The following ADCY8 variants were observed in gnomAD, a reference collection of about 807,000 sequenced individuals.
ADCY8 encodes adenylate cyclase type 8.
In ADCY8, 51 loss-of-function variants were observed where a neutral mutation model predicts 119.7. The observed-to-expected ratio is 0.43, with a 90% confidence interval of 0.34 to 0.54. The LOEUF (loss-of-function observed/expected upper bound fraction) is 0.54. ADCY8 is among the 20% of genes least tolerant of loss of function. The pLI, the probability that ADCY8 is intolerant of heterozygous loss-of-function variation, is 0.03. For synonymous variants in ADCY8, 665 were observed against 651.0 expected, an observed-to-expected ratio of 1.02 and a Z score of -0.33; for missense variants, 1,383 against 1,598.8, an observed-to-expected ratio of 0.87 and a Z score of 2.30.
At chr8:130,989,240 T>C (rs540085584) in intron 2 of ADCY8, among the ~76,000 whole-genome samples, 122 of 152,316 alleles carry the variant, frequency 8.0e-4, no homozygotes, top group African/African-American at 2.8e-3. Flanking sequence ...TAGTTTCCTC[T>C]GCCCTGGGAG....
At chr8:130,784,243 C>T (rs1353288036) in intron 16 of ADCY8, among the ~76,000 whole-genome samples, 1 of 46,298 alleles carries the variant, frequency 2.2e-5, no homozygotes, top group African/African-American at 9.7e-5. Flanking sequence ...TATATGTGCT[C>T]TTATGTATGT....
Position 131,039,454 on chromosome 8 carries a change from G to C in ADCY8, c.880C>G (p.Leu294Val). Residue 294 changes from leucine to valine, a missense_variant, in exon 1 of 18, where the codon CTG becomes GTG. Coordinates refer to ENST00000286355, the MANE Select transcript of ADCY8 (RefSeq NM_001115.3). ...AGCAGCGAGGTGCCCAGGCCGGCCA[G>C]GATGGCCCAGGTGAGCGGCAGCGGC... ...MLPLPLTWAI[L>V]AGLGTSLLQV... 6.2e-7 allele frequency: 1 copy of C among 1,614,212 alleles called. No homozygotes were observed. Among genetic ancestry groups the C allele is most frequent in the Non-Finnish European group, 8.5e-7 (1 of 1,180,048 alleles).
intron 5 of ADCY8, among the ~76,000 whole-genome samples, chr8:130,932,525 G>A (rs1820662105): frequency 6.6e-6 from 1 of 152,122 alleles, no homozygotes; most frequent in African/African-American, 2.4e-5. Flanking sequence ...TCTGCACTGT[G>A]CTGCTTGGGA....
intron 9 of ADCY8, among the ~76,000 whole-genome samples, chr8:130,866,481 A>G (rs904054156): frequency 2.0e-5 from 3 of 152,162 alleles, no homozygotes; most frequent in African/African-American, 7.2e-5. Flanking sequence ...AGTGTCTACT[A>G]TATTCTTGCA....
intron 2 of ADCY8, among the ~76,000 whole-genome samples, chr8:130,955,336 G>A (rs1389686086): frequency 6.6e-6 from 1 of 152,166 alleles, no homozygotes; most frequent in Non-Finnish European, 1.5e-5. Flanking sequence ...CGGAGAAGTA[G>A]TTTCTCAAGG....
intron 3 of ADCY8, among the ~76,000 whole-genome samples, chr8:130,947,703 A>G (rs781330197): frequency 6.6e-6 from 1 of 152,246 alleles, no homozygotes; most frequent in Non-Finnish European, 1.5e-5. Context: ...TCACTAAAAT[A>G]TCTACCATGG....
intron 7 of ADCY8, among the ~76,000 whole-genome samples, chr8:130,896,075 G>C (rs1210299880): frequency 1.1e-4 from 16 of 152,006 alleles, no homozygotes; most frequent in Admixed American, 1.0e-3. Context: ...CTCATTCTTG[G>C]CTTAATTCCT....
chr8:130,802,071 T>C (rs73716259), intron 14 of ADCY8, among the ~76,000 whole-genome samples: 1,731 of 152,228 alleles, frequency 0.011, 42 homozygotes, highest in African/African-American at 0.04. Context: ...GTTATCCTTC[T>C]TGGGCTTCAA....
intron 1 of ADCY8, among the ~76,000 whole-genome samples, chr8:130,999,697 G>A (rs140067118): frequency 1.2e-4 from 19 of 152,256 alleles, no homozygotes; most frequent in Middle Eastern, 3.4e-3. Context: ...TATTCAGAGC[G>A]GAAAGAAGAT....
intron 7 of ADCY8, among the ~76,000 whole-genome samples, chr8:130,900,352 C>T (rs914086146): frequency 2.3e-4 from 35 of 152,160 alleles, no homozygotes; most frequent in Non-Finnish European, 1.5e-5. Flanking sequence ...CATTGCTCCT[C>T]CAAGCCATTT....
At chr8:131,026,945 G>A (rs111829988) in intron 1 of ADCY8, among the ~76,000 whole-genome samples, 2,103 of 152,254 alleles carry the variant, frequency 0.014, 33 homozygotes, top group African/African-American at 0.029. Flanking sequence ...GAAAGATTGA[G>A]GCTCTTGTCA....
chr8:130,991,591 G>A lies in ADCY8; in HGVS notation c.961-1049C>T, dbSNP rs145167500. The stretch of plus-strand genomic sequence containing the variant: ...GTTAATTACCTGCTAAAGTGAAACG[G>A]AACAAAACAAAAATCACTATTTCCA... On this transcript the variant is annotated intron_variant, in intron 1 of 17. Transcript: ENST00000286355. Among the ~76,000 whole-genome samples the A allele has an allele frequency of 3.4e-3, 514 of 152,282 alleles. 5 individuals are homozygous for A. Among genetic ancestry groups the A allele is most frequent in the African/African-American group, 0.011 (472 of 41,568 alleles).
intron 1 of ADCY8, among the ~76,000 whole-genome samples, chr8:131,020,740 G>T (rs1043351508): frequency 3.3e-5 from 5 of 152,082 alleles, no homozygotes; most frequent in Admixed American, 1.3e-4. Context: ...CTGATGATGG[G>T]CATCTGGCTT....
intron 11 of ADCY8, among the ~76,000 whole-genome samples, chr8:130,843,302 C>T (rs1480308379): frequency 6.6e-6 from 1 of 152,172 alleles, no homozygotes; most frequent in Non-Finnish European, 1.5e-5. Flanking sequence ...AGGTACTGAT[C>T]CTTCCAGATG....
Position 130,890,764 on chromosome 8 carries a change from C to G in ADCY8, c.1912-6003G>C, listed in dbSNP as rs1023678596. On this transcript the variant is annotated intron_variant, in intron 7 of 17. Transcript: ENST00000286355. ...GGTAACCTTGAGCCTTTTCTGGGAC[C>G]AGCACCTGGGCTAACTTCAGTTTGT... Among the ~76,000 whole-genome samples, 3 of 152,138 alleles carry G rather than the reference C, an allele frequency of 2.0e-5. No homozygotes were observed. In the East Asian group the frequency reaches 5.8e-4, roughly 29 times the overall value.
intron 14 of ADCY8, among the ~76,000 whole-genome samples, chr8:130,807,673 C>T (rs896209817): frequency 2.0e-5 from 3 of 152,158 alleles, no homozygotes; most frequent in African/African-American, 4.8e-5. Flanking sequence ...GGAGGAAAGA[C>T]ATTTCTGTTC....
chr8:130,813,075 G>A (rs999195420), intron 14 of ADCY8, among the ~76,000 whole-genome samples: 1 of 151,686 alleles, frequency 6.6e-6, no homozygotes, highest in Non-Finnish European at 1.5e-5. Flanking sequence ...AGCCTCCCAA[G>A]TAGCTGGGAT....
intron 1 of ADCY8, among the ~76,000 whole-genome samples, chr8:131,037,168 T>C (rs1022497980): frequency 2.6e-5 from 4 of 152,104 alleles, no homozygotes; most frequent in African/African-American, 7.2e-5. Context: ...TTTAGAGTTT[T>C]GGTAAAAGGT....
chr8:130,973,237 T>G (rs763308057), intron 2 of ADCY8, among the ~76,000 whole-genome samples: 4 of 152,250 alleles, frequency 2.6e-5, no homozygotes, highest in Non-Finnish European at 5.9e-5. Flanking sequence ...GTAGATTGCT[T>G]GCACATATGT....
Sources: allele counts gnomAD v4.1 joint callset (sites outside exome capture counted in the v4.1 genomes callset), GRCh38; gene constraint gnomAD v4.1.1; transcripts MANE v1.5; gene names NCBI Gene and HGNC (gene_info 2026-07-23, HGNC 2026-07-21).